The following CPPED1 variants were observed in gnomAD, a reference collection of about 807,000 sequenced individuals.
The protein encoded by CPPED1 is calcineurin like phosphoesterase domain containing 1.
Under a neutral mutation model 28.0 loss-of-function variants are expected in CPPED1, and 28 were observed. The ratio of observed to expected loss-of-function variants is 1.00; its 90% CI spans 0.74 to 1.37. CPPED1 has a LOEUF of 1.37. Ranked by LOEUF, CPPED1 falls within the 40% of genes most tolerant of loss-of-function variation. CPPED1 has a pLI of 0.00. For missense variants in CPPED1, 504 were observed against 416.5 expected, an observed-to-expected ratio of 1.21 and a Z score of -1.83; for synonymous variants, 198 against 180.2, an observed-to-expected ratio of 1.10 and a Z score of -0.79.
chr16:12,799,243 GTTTTTTTT>G (rs200948126), intron 1 of CPPED1, among the ~76,000 whole-genome samples: 40,524 of 135,196 alleles, frequency 0.3, 7,304 homozygotes, highest in African/African-American at 0.54. Flanking sequence ...GGAAAAGTCA[GTTTTTTTT>G]TTTTTTTTTT....
intron 1 of CPPED1, among the ~76,000 whole-genome samples, chr16:12,800,343 C>G (rs918113279): frequency 2.0e-5 from 3 of 150,844 alleles, no homozygotes; most frequent in African/African-American, 7.3e-5. Context: ...GAGGCTGAAG[C>G]AGGAGAATCG....
chr16:12,771,614 C>T (rs1166304637), intron 2 of CPPED1, among the ~76,000 whole-genome samples: 1 of 152,218 alleles, frequency 6.6e-6, no homozygotes, highest in Non-Finnish European at 1.5e-5. Flanking sequence ...AATTATGCCT[C>T]CGAGGCTTTG....
At chr16:12,789,496 C>T (rs1175654121) in intron 1 of CPPED1, among the ~76,000 whole-genome samples, 1 of 152,028 alleles carries the variant, frequency 6.6e-6, no homozygotes, top group African/African-American at 2.4e-5. Flanking sequence ...AGCCAAACAA[C>T]AAGCCAGGAA....
chr16:12,736,399 C>A (rs1294579743), intron 2 of CPPED1, among the ~76,000 whole-genome samples: 2 of 152,036 alleles, frequency 1.3e-5, no homozygotes, highest in African/African-American at 4.8e-5. Context: ...ACCACCATGC[C>A]TGGCTAATTT....
chr16:12,803,462 T>G (rs1039038830), intron 1 of CPPED1, among the ~76,000 whole-genome samples: 3 of 152,188 alleles, frequency 2.0e-5, no homozygotes, highest in Non-Finnish European at 4.4e-5. Flanking sequence ...TTACTTCCCT[T>G]CTCTGGGGGA....
At chr16:12,714,664 G>T (rs991980926) in intron 2 of CPPED1, among the ~76,000 whole-genome samples, 1 of 152,054 alleles carries the variant, frequency 6.6e-6, no homozygotes, top group Non-Finnish European at 1.5e-5. Flanking sequence ...ATATTTAGTT[G>T]TAAGAGTTCT....
At chr16:12,802,333 G>T (rs1421651746) in intron 1 of CPPED1, among the ~76,000 whole-genome samples, 1 of 152,226 alleles carries the variant, frequency 6.6e-6, no homozygotes, top group African/African-American at 2.4e-5. Flanking sequence ...CGGGCGCGGT[G>T]GCTCAGGTCT....
chr16:12,791,720 C>T (rs1382529291), intron 1 of CPPED1, among the ~76,000 whole-genome samples: 1 of 152,222 alleles, frequency 6.6e-6, no homozygotes, highest in Non-Finnish European at 1.5e-5. Flanking sequence ...TCTTCCCAAC[C>T]CCTTAACCAG....
intron 2 of CPPED1, among the ~76,000 whole-genome samples, chr16:12,761,992 G>A (rs868641952): frequency 1.4e-5 from 2 of 148,142 alleles, no homozygotes; most frequent in African/African-American, 2.5e-5. Context: ...TCCAGCCTAG[G>A]CAGCAAAGCA....
Position 12,664,915 on chromosome 16 carries a change from C to G in CPPED1, c.916G>C (p.Asp306His), listed in dbSNP as rs371646726. The change falls in exon 4 of 4, where the codon GAT becomes CAT. Residue 306 changes from aspartate (D) to histidine (H), a missense_variant. Physicochemically the swap from Asp to His is moderately conservative, Grantham distance 81. Coordinates refer to ENST00000381774, the MANE Select transcript of CPPED1 (RefSeq NM_018340.3). This position sits in a 1 kb window ranked among gnomAD's most constrained non-coding sequence, Gnocchi z 4.2. ...TTTTTCTTGATCAAATCCATGAGAT[C>G]GTCTTCTATTCCTTTCTCACTCAGC... ...DELSEKGIED[D>H]LMDLIKKK 1 of 1,605,174 alleles carries G rather than the reference C, an allele frequency of 6.2e-7. No homozygotes were observed. The highest frequency in any genetic ancestry group is 1.3e-5 in the African/African-American group (1 of 74,144).
chr16:12,704,227 C>G (rs1358073575), intron 3 of CPPED1, among the ~76,000 whole-genome samples: 1 of 152,158 alleles, frequency 6.6e-6, no homozygotes, highest in East Asian at 1.9e-4. Context: ...ACATGCAAGC[C>G]ACATTCACAC....
At chr16:12,699,937 G>C (rs557257094) in intron 3 of CPPED1, among the ~76,000 whole-genome samples, 3 of 152,104 alleles carry the variant, frequency 2.0e-5, no homozygotes, top group Non-Finnish European at 4.4e-5. Context: ...ATGTTGTTGT[G>C]ACCTGAGCCG....
At chr16:12,774,820 T>C (rs977517584) in intron 2 of CPPED1, among the ~76,000 whole-genome samples, 3 of 151,728 alleles carry the variant, frequency 2.0e-5, no homozygotes, top group South Asian at 2.1e-4. Context: ...TTTGTGTGTT[T>C]TTTGTTTGTT....
chr16:12,803,642 A>C lies in CPPED1; in HGVS notation c.70+65T>G, dbSNP rs1272137375. 1.2e-5 allele frequency: 16 copies of C among 1,333,162 alleles called. No individual in the cohort carries two copies. The East Asian group carries it at 4.9e-4, about 41-fold the overall frequency. The allele number at this position is 1,333,162 out of a possible 1,614,324, so 82.6% of individuals were successfully genotyped here. A position where few individuals can be genotyped will look rare whatever the true frequency, so the allele number is the denominator to read the frequency against. On this transcript the variant is annotated intron_variant, in intron 1 of 3. Coordinates refer to ENST00000381774, the MANE Select transcript of CPPED1 (RefSeq NM_018340.3). Reference sequence around the variant, plus strand: ...CTGGCGGAGCGCACACCTGAACAAAAGGTTCCCCCGGCGGAAGGTTCCGCA... The same window carrying C: ...CTGGCGGAGCGCACACCTGAACAAACGGTTCCCCCGGCGGAAGGTTCCGCA...
At position 12,664,524 on chromosome 16, in the gene CPPED1, C is replaced by G. The variant is rs554743567; in HGVS notation, c.*362G>C. 1 of 1,069,006 alleles carries G rather than the reference C, an allele frequency of 9.4e-7. No homozygotes were observed. The highest frequency in any genetic ancestry group is 5.9e-5 in the Admixed American group (1 of 17,074). 66.2% of individuals were successfully genotyped at this position (1,069,006 alleles called of 1,614,324 possible). On this transcript the variant is annotated 3_prime_UTR_variant, in exon 4 of 4. Coordinates refer to ENST00000381774, the MANE Select transcript of CPPED1 (RefSeq NM_018340.3). This position sits in a 1 kb window ranked among gnomAD's most constrained non-coding sequence, Gnocchi z 4.2. ...ATTATCAAAGATCATACTTGGCTGT[C>G]AGATTGGAATTGAGGTCGATAGGCA...
At chr16:12,695,232 G>A (rs1295402596) in intron 3 of CPPED1, among the ~76,000 whole-genome samples, 1 of 152,152 alleles carries the variant, frequency 6.6e-6, no homozygotes, top group East Asian at 1.9e-4. Context: ...AAATTAAGTT[G>A]AGGCTCAAGC....
At chr16:12,780,043 C>T (rs2865886) in intron 2 of CPPED1, among the ~76,000 whole-genome samples, 1 of 151,964 alleles carries the variant, frequency 6.6e-6, no homozygotes, top group Non-Finnish European at 1.5e-5. Context: ...CGTTGAATTT[C>T]CAACATCTCA....
At chr16:12,719,283 C>T (rs1473802197) in intron 2 of CPPED1, among the ~76,000 whole-genome samples, 4 of 148,722 alleles carry the variant, frequency 2.7e-5, no homozygotes, top group Non-Finnish European at 6.0e-5. Context: ...CCCAGCTACT[C>T]GGGAAGCTGA....
intron 3 of CPPED1, among the ~76,000 whole-genome samples, chr16:12,676,674 T>C (rs576211697): frequency 1.2e-3 from 181 of 152,328 alleles, no homozygotes; most frequent in Non-Finnish European, 2.1e-3. Context: ...GGGGTGGCTC[T>C]GACCTAAACA....
Sources: gnomAD v4.1 joint callset for allele counts (sites outside exome capture counted in the v4.1 genomes callset) on GRCh38, gnomAD v4.1.1 for gene constraint, Gnocchi (gnomAD v3.1) non-coding constraint, MANE v1.5 for transcripts, NCBI Gene and HGNC (gene_info 2026-07-23, HGNC 2026-07-21) for gene names.